The following ANK1 variants were observed in gnomAD, a reference collection of about 807,000 sequenced individuals.
ANK1 encodes the protein ankyrin-1.
A neutral mutation model predicts 210.4 loss-of-function variants in ANK1; 51 were observed. The observed-to-expected ratio is 0.24, with a 90% CI of 0.19 to 0.31. ANK1 has a LOEUF of 0.31. Among genes scored for constraint, ANK1 ranks in the 10% least tolerant of loss-of-function variants. ANK1 has a pLI of 1.00. For synonymous variants in ANK1, 967 were observed against 1,025.9 expected, an observed-to-expected ratio of 0.94 and a Z score of 1.10; for missense variants, 2,051 against 2,504.4, an observed-to-expected ratio of 0.82 and a Z score of 3.86.
chr8:41,697,620 C>T lies in ANK1; in HGVS notation c.2637+423G>A, dbSNP rs189236365. 3.8e-5 allele frequency: 13 copies of T among 342,114 alleles called. No homozygotes were observed. The East Asian group carries it at 8.9e-4, about 23-fold the overall frequency. The allele number at this position is 342,114 out of a possible 1,614,324, so 21.2% of individuals were successfully genotyped here. A position where few individuals can be genotyped will look rare whatever the true frequency, so the allele number is the denominator to read the frequency against. ...GTTCATGCGTCCGAGTCCACTCTTT[C>T]TGGTTGGGCCCCGGCTCCCAGGAGG... On this transcript the variant is annotated intron_variant, in intron 24 of 42. Coordinates refer to ENST00000289734, the MANE Select transcript of ANK1 (RefSeq NM_000037.4).
At position 41,725,894 on chromosome 8, in the gene ANK1, A is replaced by T; in HGVS notation, c.479T>A (p.Val160Asp). The T allele has an allele frequency of 6.2e-7, 1 of 1,613,618 alleles. No individual in the cohort carries two copies. The highest frequency in any genetic ancestry group is 8.5e-7 in the Non-Finnish European group (1 of 1,179,958). Residue 160 changes from valine (V) to aspartate (D), a missense_variant, in exon 6 of 43, where the codon GTC becomes GAC. Around this residue, in one of 6 missense-constraint regions of ANK1, gnomAD observed 1,413 missense variants for 1,707.4 expected, o/e 0.83. Coordinates refer to ENST00000289734, the MANE Select transcript of ANK1 (RefSeq NM_000037.4). ...VALQQGHENV[V>D]AHLINYGTKG... is the part of the protein sequence containing the mutation. ...GGTGCCGTAGTTGATGAGGTGCGCGACGACGTTCTCATGGCCCTGCTGCAG... is the reference window on the plus strand; with the variant it reads ...GGTGCCGTAGTTGATGAGGTGCGCGTCGACGTTCTCATGGCCCTGCTGCAG...
intron 1 of ANK1, among the ~76,000 whole-genome samples, chr8:41,833,857 G>A (rs898737633): frequency 3.9e-5 from 6 of 152,212 alleles, no homozygotes; most frequent in South Asian, 2.1e-4. Flanking sequence ...GAGCGCTGAG[G>A]AGCTGCAGGA....
chr8:41,694,877 C>A lies in ANK1; in HGVS notation c.3116-74G>T. The A allele has an allele frequency of 2.0e-6, 3 of 1,483,294 alleles. No homozygotes were observed. Among genetic ancestry groups the A allele is most frequent in the South Asian group, 2.3e-5 (2 of 86,568 alleles). The allele number at this position is 1,483,294 out of a possible 1,614,324, so 91.9% of individuals were successfully genotyped here. A position where few individuals can be genotyped will look rare whatever the true frequency, so the allele number is the denominator to read the frequency against. On this transcript the variant is annotated intron_variant, in intron 27 of 42. Coordinates refer to ENST00000289734, the MANE Select transcript of ANK1 (RefSeq NM_000037.4). The surrounding 1 kb of genome is among the most constrained non-coding windows in gnomAD (Gnocchi z 5.7). ...TCAGGACTTCCAGGGGCCCCAGAGT[C>A]TCCTTGTCCCCAAGACCCAGTGCAC... is the stretch of plus-strand genomic sequence containing the variant.
chr8:41,870,737 G>A (rs971474803), intron 1 of ANK1, among the ~76,000 whole-genome samples: 3 of 152,188 alleles, frequency 2.0e-5, no homozygotes, highest in African/African-American at 7.2e-5. Flanking sequence ...CGGCACACAC[G>A]TTAGCCGAGT....
chr8:41,716,175 A>C (rs1057218316), intron 13 of ANK1, among the ~76,000 whole-genome samples: 2 of 152,102 alleles, frequency 1.3e-5, no homozygotes, highest in African/African-American at 4.8e-5. Flanking sequence ...GATAATGTAC[A>C]TGGTTTCTGC....
intron 1 of ANK1, among the ~76,000 whole-genome samples, chr8:41,895,905 C>CCCG (rs1032381881): frequency 3.0e-4 from 45 of 151,044 alleles, no homozygotes; most frequent in African/African-American, 1.0e-3. Context: ...AGAGCTGCCC[C>CCCG]CCCCCGGCCC....
rs764752947 is a variant in ANK1 at position 41,725,965 on chromosome 8, T to G, written c.427-19A>C. 4.3e-6 allele frequency: 7 copies of G among 1,611,140 alleles called. No homozygotes were observed. The highest frequency in any genetic ancestry group is 5.9e-6 in the Non-Finnish European group (7 of 1,179,400). On this transcript the variant is annotated intron_variant, in intron 5 of 42. Coordinates refer to ENST00000289734, the MANE Select transcript of ANK1 (RefSeq NM_000037.4). ...AGCCGTCCTGGCCAGAGGAGGAAAA[T>G]GCTTTGCTCTGACTCGTCTGACGCC...
chr8:41,668,303 C>T lies in ANK1; in HGVS notation c.5358G>A (p.Val1786=), dbSNP rs1563355757. The T allele has an allele frequency of 1.9e-6, 3 of 1,614,238 alleles. No individual in the cohort carries two copies. Among genetic ancestry groups the T allele is most frequent in the South Asian group, 1.1e-5 (1 of 91,088 alleles). The change falls in exon 39 of 43, where the codon GTG becomes GTA. Residue 1786 remains valine, a synonymous_variant. Coordinates refer to ENST00000289734, the MANE Select transcript of ANK1 (RefSeq NM_000037.4). ...GGGTGAAGGTGTTCTTGGCCTCCTG[C>T]ACCTGCTCTTCTTGGCCTTGCTGCC... ...DRRQQGQEEQ[V]QEAKNTFTQV... is the part of the protein sequence containing the mutation.
Position 41,725,882 on chromosome 8 carries a change from A to T in ANK1, c.491T>A (p.Ile164Asn), listed in dbSNP as rs1179131473. 3 of 1,613,526 alleles carry T rather than the reference A, an allele frequency of 1.9e-6. No individual in the cohort carries two copies. The highest frequency in any genetic ancestry group is 2.5e-6 in the Non-Finnish European group (3 of 1,179,944). The change falls in exon 6 of 43, where the codon ATC becomes AAC. Residue 164 changes from isoleucine to asparagine, a missense_variant. By Grantham distance (149) the Ile-to-Asn change is moderately radical. Around this residue, in one of 6 missense-constraint regions of ANK1, gnomAD observed 1,413 missense variants for 1,707.4 expected, o/e 0.83. Coordinates refer to ENST00000289734, the MANE Select transcript of ANK1 (RefSeq NM_000037.4). ...QGHENVVAHL[I>N]NYGTKGKVRL... ...CACCTTCCCCTTGGTGCCGTAGTTGATGAGGTGCGCGACGACGTTCTCATG... is the reference window on the plus strand; with the variant it reads ...CACCTTCCCCTTGGTGCCGTAGTTGTTGAGGTGCGCGACGACGTTCTCATG...
chr8:41,655,905 T>C, intron 42 of ANK1, 152 bp from the exon 43 acceptor site: 1 of 889,556 alleles, frequency 1.1e-6, no homozygotes, highest in Non-Finnish European at 1.8e-6. Context: ...CTGAGGGTGC[T>C]GCACTTGCAG....
chr8:41,744,000 G>A (rs918650740), intron 2 of ANK1, among the ~76,000 whole-genome samples: 3 of 152,092 alleles, frequency 2.0e-5, no homozygotes, highest in African/African-American at 7.2e-5. Flanking sequence ...GGTGGGGCAG[G>A]GCAAGTACAA....
intron 26 of ANK1, 96 bp downstream of exon 26, chr8:41,696,267 G>T (rs1223519558): frequency 7.2e-7 from 1 of 1,383,434 alleles, no homozygotes; most frequent in East Asian, 2.3e-5. Context: ...AAGGGGAGGG[G>T]CACCCAGTTC....
Position 41,661,462 on chromosome 8 carries a change from G to A in ANK1, c.*4C>T, listed in dbSNP as rs201561226. 1.8e-5 allele frequency: 29 copies of A among 1,613,060 alleles called. 1 individual carries two copies. The Admixed American group carries it at 2.7e-4, about 15-fold the overall frequency. On this transcript the variant is annotated 3_prime_UTR_variant, in exon 42 of 43. Transcript: ENST00000289734. ...GAGGCTACTCCAAGGAGAGCGGCTCGGGGTCACTGTTTCCCCCTTTTCAGG... is the reference window on the plus strand; with the variant it reads ...GAGGCTACTCCAAGGAGAGCGGCTCAGGGTCACTGTTTCCCCCTTTTCAGG...
chr8:41,692,980 C>G, intron 30 of ANK1, 104 bp from the exon 31 acceptor site: 1 of 1,515,820 alleles, frequency 6.6e-7, no homozygotes, highest in Non-Finnish European at 9.2e-7. Context: ...ACTATTGCCA[C>G]ACCTGTGGTC....
At chr8:41,869,825 A>G (rs894695214) in intron 1 of ANK1, among the ~76,000 whole-genome samples, 1 of 152,200 alleles carries the variant, frequency 6.6e-6, no homozygotes, top group Non-Finnish European at 1.5e-5. Flanking sequence ...CAAAATGGTA[A>G]CTGGGGCTTG....
intron 1 of ANK1, among the ~76,000 whole-genome samples, chr8:41,844,181 C>A (rs1452940687): frequency 1.3e-5 from 2 of 152,284 alleles, no homozygotes; most frequent in East Asian, 3.9e-4. Flanking sequence ...CCTGTCCCTG[C>A]CTTTTGAGAG....
At chr8:41,811,453 C>G (rs1234439423) in intron 1 of ANK1, among the ~76,000 whole-genome samples, 1 of 152,232 alleles carries the variant, frequency 6.6e-6, no homozygotes, top group Non-Finnish European at 1.5e-5. Context: ...GGAAGTCCCT[C>G]CTCACACAGG....
chr8:41,893,198 A>T (rs764562715), intron 1 of ANK1, among the ~76,000 whole-genome samples: 16 of 152,158 alleles, frequency 1.1e-4, no homozygotes, highest in Non-Finnish European at 2.1e-4. Context: ...AGCCCTCAAA[A>T]GCTGTCATCC....
intron 20 of ANK1, among the ~76,000 whole-genome samples, 163 bp from the exon 21 acceptor site, chr8:41,702,307 G>A (rs914327420): frequency 6.6e-6 from 1 of 152,212 alleles, no homozygotes; most frequent in South Asian, 2.1e-4. Flanking sequence ...ACGTGTGTGT[G>A]CCTAGATGTG....
Sources: gnomAD v4.1 joint callset for allele counts (sites outside exome capture counted in the v4.1 genomes callset) on GRCh38, gnomAD v4.1.1 for gene constraint, gnomAD v4.1.1 regional missense constraint, Gnocchi (gnomAD v3.1) non-coding constraint, MANE v1.5 for transcripts, NCBI Gene and HGNC (gene_info 2026-07-23, HGNC 2026-07-21) for gene names.